Variants in CADM2 observed in about 807,000 individuals in gnomAD.
CADM2 encodes the protein immunoglobulin superfamily member 4D.
CADM2 carries 12 observed loss-of-function variants against 49.8 expected under a neutral mutation model. The observed-to-expected ratio is 0.24, with a 90% CI of 0.15 to 0.39. CADM2 has a LOEUF of 0.39. Among genes scored for constraint, CADM2 ranks in the 10% least tolerant of loss-of-function variants. The probability of loss-of-function intolerance (pLI) is 1.00; values close to 1 mark genes in which losing one functional copy is unlikely to be tolerated. For missense variants in CADM2, 378 were observed against 492.3 expected (o/e 0.77, Z 2.20); for synonymous variants, 214 against 175.4 (o/e 1.22, Z -1.74).
At chr3:85,002,793 T>A (rs577525046) in intron 1 of CADM2, among the ~76,000 whole-genome samples, 1 of 152,050 alleles carries the variant, frequency 6.6e-6, no homozygotes, top group Non-Finnish European at 1.5e-5. Context: ...TTTCTTTGTT[T>A]CTTTTTATTA....
chr3:85,265,538 C>T (rs941482395), intron 1 of CADM2, among the ~76,000 whole-genome samples: 11 of 151,832 alleles, frequency 7.2e-5, no homozygotes, highest in South Asian at 2.1e-4. Context: ...AATCCATTCC[C>T]GGAGTAACAA....
chr3:85,031,653 T>C (rs1347316070), intron 1 of CADM2, among the ~76,000 whole-genome samples: 10 of 152,096 alleles, frequency 6.6e-5, no homozygotes, highest in Non-Finnish European at 1.5e-4. Context: ...TAGCTGGGAC[T>C]ACAGGCACAC....
intron 1 of CADM2, among the ~76,000 whole-genome samples, chr3:85,081,036 T>A (rs13078494): frequency 0.44 from 67,502 of 151,964 alleles, 17,554 homozygotes; most frequent in Non-Finnish European, 0.6. Context: ...TTTATTTTAC[T>A]TGTAAATCAG....
At chr3:84,962,817 A>G (rs2030667735) in intron 1 of CADM2, among the ~76,000 whole-genome samples, 1 of 152,166 alleles carries the variant, frequency 6.6e-6, no homozygotes, top group Non-Finnish European at 1.5e-5. Context: ...AAGAAGACTC[A>G]TTTGAACATA....
chr3:85,517,211 T>C (rs1336274792), intron 1 of CADM2, among the ~76,000 whole-genome samples: 1 of 152,026 alleles, frequency 6.6e-6, no homozygotes, highest in African/African-American at 2.4e-5. Context: ...TAAATTTCAA[T>C]TTTACTCACT....
chr3:85,217,806 T>C (rs985869048), intron 1 of CADM2, among the ~76,000 whole-genome samples: 2 of 152,062 alleles, frequency 1.3e-5, no homozygotes, highest in Admixed American at 1.3e-4. Context: ...TGGAAAATTA[T>C]AAAGCAATTA....
chr3:85,128,090 T>C (rs2039097758), intron 1 of CADM2, among the ~76,000 whole-genome samples: 1 of 152,180 alleles, frequency 6.6e-6, no homozygotes, highest in African/African-American at 2.4e-5. Context: ...AGAAAGTTTA[T>C]TGAATGGTGC....
intron 1 of CADM2, among the ~76,000 whole-genome samples, chr3:85,711,951 A>G (rs1485588056): frequency 1.3e-5 from 2 of 152,190 alleles, no homozygotes; most frequent in African/African-American, 2.4e-5. Flanking sequence ...CAGCTCACTT[A>G]CCTGTAGCGT....
Position 85,100,269 on chromosome 3 carries a change from A to G in CADM2, c.61+140601A>G, listed in dbSNP as rs148571716. ...AAAATCACATTTGTTCTACATGTCT[A>G]ATTAAGTTCTGCTTGTCTTCATAAC... On this transcript the variant is annotated intron_variant, in intron 1 of 9. Coordinates refer to ENST00000383699, the MANE Select transcript of CADM2 (RefSeq NM_001167675.2). Among the ~76,000 whole-genome samples the G allele has an allele frequency of 1.3e-3, 191 of 152,330 alleles. 2 individuals are homozygous for G. Among genetic ancestry groups the G allele is most frequent in the African/African-American group, 4.4e-3 (181 of 41,582 alleles).
At chr3:85,097,569 C>G (rs915090543) in intron 1 of CADM2, among the ~76,000 whole-genome samples, 5 of 152,116 alleles carry the variant, frequency 3.3e-5, no homozygotes, top group East Asian at 3.9e-4. Context: ...CCTGAGGAAT[C>G]GCCACACTGA....
intron 1 of CADM2, among the ~76,000 whole-genome samples, chr3:85,672,953 CTGT>C: frequency 6.6e-6 from 1 of 152,116 alleles, no homozygotes; most frequent in Non-Finnish European, 1.5e-5. Context: ...ACCCATGTTT[CTGT>C]AGTTTTCCCC....
chr3:85,522,216 A>G (rs1315306850), intron 1 of CADM2, among the ~76,000 whole-genome samples: 1 of 152,046 alleles, frequency 6.6e-6, no homozygotes, highest in African/African-American at 2.4e-5. Flanking sequence ...CCTTCCCTTT[A>G]GTTTGTTCAT....
At chr3:85,571,229 A>G (rs1271667223) in intron 1 of CADM2, among the ~76,000 whole-genome samples, 1 of 152,212 alleles carries the variant, frequency 6.6e-6, no homozygotes, top group Non-Finnish European at 1.5e-5. Flanking sequence ...AAATAAGAAC[A>G]TTAATAAATT....
intron 1 of CADM2, among the ~76,000 whole-genome samples, chr3:85,409,533 C>A (rs2117151): frequency 0.25 from 38,005 of 151,796 alleles, 4,932 homozygotes; most frequent in South Asian, 0.34. Flanking sequence ...CCAGGAAATT[C>A]AAATTTTATA....
chr3:86,014,283 A>G, intron 8 of CADM2: 2 of 1,337,724 alleles, frequency 1.5e-6, no homozygotes, highest in South Asian at 1.6e-5. Context: ...CATTGTTACT[A>G]TTGTTGTTCT....
chr3:85,134,494 A>C (rs1039530548), intron 1 of CADM2, among the ~76,000 whole-genome samples: 1 of 152,286 alleles, frequency 6.6e-6, no homozygotes, highest in Non-Finnish European at 1.5e-5. Context: ...ATAAATTGGT[A>C]AGTAGCTATG....
chr3:85,226,597 G>T (rs963358914), intron 1 of CADM2, among the ~76,000 whole-genome samples: 1 of 145,956 alleles, frequency 6.9e-6, no homozygotes. Context: ...ATTTTGAAGA[G>T]TTTTTTTTTT....
intron 1 of CADM2, among the ~76,000 whole-genome samples, chr3:85,361,303 C>T (rs1358379031): frequency 1.3e-5 from 2 of 152,238 alleles, no homozygotes; most frequent in East Asian, 1.9e-4. Context: ...ACATATTTCA[C>T]TGGTCAGAGT....
intron 1 of CADM2, among the ~76,000 whole-genome samples, chr3:85,678,756 T>G (rs1354911677): frequency 6.6e-6 from 1 of 152,208 alleles, no homozygotes; most frequent in Non-Finnish European, 1.5e-5. Context: ...TCAGTTTATT[T>G]ATTCAATTAT....
Sources: gnomAD v4.1 joint callset for allele counts (sites outside exome capture counted in the v4.1 genomes callset) on GRCh38, gnomAD v4.1.1 for gene constraint, MANE v1.5 for transcripts, NCBI Gene and HGNC (gene_info 2026-07-23, HGNC 2026-07-21) for gene names.